FGF14: variants seen among roughly 807,000 people sequenced by gnomAD.
The protein encoded by FGF14 is fibroblast growth factor homologous factor 4.
FGF14 carries 5 observed loss-of-function variants against 25.5 expected under a neutral mutation model. The observed-to-expected ratio is 0.20, with a 90% CI of 0.10 to 0.41. The LOEUF is 0.41. Ranked by LOEUF, FGF14 falls within the 10% of genes least tolerant of loss-of-function variation. The pLI, the probability that FGF14 is intolerant of heterozygous loss-of-function variation, is 1.00. For synonymous variants in FGF14, 138 were observed against 118.3 expected, an observed-to-expected ratio of 1.17 and a Z score of -1.08; for missense variants, 222 against 320.1, an observed-to-expected ratio of 0.69 and a Z score of 2.34.
intron 3 of FGF14, among the ~76,000 whole-genome samples, chr13:101,827,721 C>A (rs2042457214): frequency 6.6e-6 from 1 of 151,454 alleles, no homozygotes; most frequent in African/African-American, 2.4e-5. Flanking sequence ...TCATGGAAAC[C>A]ACAATTATGA....
At chr13:102,305,603 T>C (rs992499227) in intron 1 of FGF14, among the ~76,000 whole-genome samples, 2 of 152,148 alleles carry the variant, frequency 1.3e-5, no homozygotes, top group African/African-American at 4.8e-5. Context: ...CTTATATAAA[T>C]ACAAGTTTGC....
chr13:101,952,953 G>C (rs1401889542), intron 1 of FGF14, among the ~76,000 whole-genome samples: 1 of 152,156 alleles, frequency 6.6e-6, no homozygotes, highest in Non-Finnish European at 1.5e-5. Context: ...AGAATTGCTC[G>C]AACCCGGGAG....
chr13:102,160,650 T>C (rs893061720), intron 1 of FGF14, among the ~76,000 whole-genome samples: 1 of 151,926 alleles, frequency 6.6e-6, no homozygotes, highest in Non-Finnish European at 1.5e-5. Flanking sequence ...AAAAACATGT[T>C]CCACAGAAAA....
At chr13:102,049,475 A>C (rs1285637449) in intron 1 of FGF14, among the ~76,000 whole-genome samples, 1 of 152,206 alleles carries the variant, frequency 6.6e-6, no homozygotes, top group Non-Finnish European at 1.5e-5. Context: ...AAAACAACAA[A>C]AAAATAGGAG....
intron 1 of FGF14, among the ~76,000 whole-genome samples, chr13:102,024,635 TTA>T (rs1158790235): frequency 6.6e-6 from 1 of 152,042 alleles, no homozygotes; most frequent in Admixed American, 6.6e-5. Context: ...TGTATCTATT[TTA>T]TCTTTTGTGA....
chr13:102,352,968 G>C (rs965983581), intron 1 of FGF14, among the ~76,000 whole-genome samples: 7 of 151,966 alleles, frequency 4.6e-5, no homozygotes, highest in South Asian at 4.1e-4. Flanking sequence ...CTGCTATCCT[G>C]AAAGAGTCTT....
Position 101,998,070 on chromosome 13 carries a change from G to A in FGF14, c.209-122774C>T, listed in dbSNP as rs1047099674. Among the ~76,000 whole-genome samples, 30 of 151,904 alleles carry A rather than the reference G, an allele frequency of 2.0e-4. 1 individual carries two copies. Among genetic ancestry groups the A allele is most frequent in the Non-Finnish European group, 3.8e-4 (26 of 67,986 alleles). On this transcript the variant is annotated intron_variant, in intron 1 of 4. Coordinates refer to the FGF14 transcript ENST00000376131. ...CTGAATATAATCTTTTACGATACTT[G>A]GAACTCTTTTGATTTGCTAATTGGG...
chr13:102,254,279 G>A (rs546844025), intron 1 of FGF14, among the ~76,000 whole-genome samples: 23 of 152,188 alleles, frequency 1.5e-4, no homozygotes, highest in Non-Finnish European at 2.6e-4. Flanking sequence ...CAGGTTGTCT[G>A]TGAGGGTTCG....
At chr13:102,012,702 A>C (rs1227916898) in intron 1 of FGF14, among the ~76,000 whole-genome samples, 1 of 152,180 alleles carries the variant, frequency 6.6e-6, no homozygotes, top group Non-Finnish European at 1.5e-5. Context: ...GAGTGTGACA[A>C]AATGAAGATG....
chr13:102,179,957 A>C (rs2048600598), intron 1 of FGF14, among the ~76,000 whole-genome samples: 1 of 152,136 alleles, frequency 6.6e-6, no homozygotes, highest in Non-Finnish European at 1.5e-5. Context: ...ACCTATAAAT[A>C]TGATTACTCC....
chr13:101,945,376 AAAT>A (rs2035737231), intron 1 of FGF14, among the ~76,000 whole-genome samples: 1 of 152,244 alleles, frequency 6.6e-6, no homozygotes, highest in Non-Finnish European at 1.5e-5. Flanking sequence ...TTTAAGAAAA[AAAT>A]AATTGAATAA....
At chr13:102,189,008 GAGAAAGAATGAAAGAAGA>G (rs202193661) in intron 1 of FGF14, among the ~76,000 whole-genome samples, 6,564 of 68,676 alleles carry the variant, frequency 0.096, 351 homozygotes, top group Middle Eastern at 0.11. Flanking sequence ...AAGAAAGAAA[GAGAAAGAATGAAAGAAGA>G]AAAGAAAGAA....
chr13:101,840,457 T>C (rs1331519471), intron 3 of FGF14, among the ~76,000 whole-genome samples: 2 of 151,670 alleles, frequency 1.3e-5, no homozygotes, highest in Non-Finnish European at 2.9e-5. Flanking sequence ...ATACAATAAC[T>C]CTTATTCACT....
Position 102,401,733 on chromosome 13 carries a change from T to G in FGF14, c.-55A>C, listed in dbSNP as rs1289035604. The G allele has an allele frequency of 2.7e-6, 4 of 1,456,482 alleles. No homozygotes were observed. In the African/African-American group the frequency reaches 4.2e-5, roughly 15 times the overall value. 90.2% of individuals were successfully genotyped at this position (1,456,482 alleles called of 1,614,324 possible). ...CCCAGTTTTTTCCCCTCACGTGGTA[T>G]ATTTCTTTGAGACTTCTCAGTGATT... On this transcript the variant is annotated 5_prime_UTR_variant, in exon 1 of 5. Coordinates refer to the FGF14 transcript ENST00000376131.
chr13:102,016,672 T>C (rs2040364198), intron 1 of FGF14, among the ~76,000 whole-genome samples: 1 of 152,180 alleles, frequency 6.6e-6, no homozygotes, highest in African/African-American at 2.4e-5. Flanking sequence ...GTATTTTTTG[T>C]AGATGGTTTC....
At chr13:101,842,592 GA>G (rs1295187957) in intron 3 of FGF14, among the ~76,000 whole-genome samples, 1 of 151,946 alleles carries the variant, frequency 6.6e-6, no homozygotes, top group Non-Finnish European at 1.5e-5. Flanking sequence ...ACTACTCTGA[GA>G]AAACAAAAGG....
intron 1 of FGF14, among the ~76,000 whole-genome samples, chr13:102,171,757 T>C (rs1357299928): frequency 2.6e-5 from 4 of 152,234 alleles, no homozygotes; most frequent in South Asian, 2.1e-4. Flanking sequence ...ACATTTTTAA[T>C]GCCAGTATTT....
chr13:101,753,197 T>C (rs2037404223), intron 3 of FGF14, among the ~76,000 whole-genome samples: 1 of 152,066 alleles, frequency 6.6e-6, no homozygotes, highest in African/African-American at 2.4e-5. Context: ...TTTAATGGTA[T>C]GACCCAATTA....
intron 1 of FGF14, among the ~76,000 whole-genome samples, chr13:101,984,287 G>T (rs982201983): frequency 6.6e-6 from 1 of 152,048 alleles, no homozygotes; most frequent in Non-Finnish European, 1.5e-5. Context: ...TGAAAAAAAT[G>T]CACATATAAT....
Sources: gnomAD v4.1 joint callset for allele counts (sites outside exome capture counted in the v4.1 genomes callset) on GRCh38, gnomAD v4.1.1 for gene constraint, MANE v1.5 for transcripts, NCBI Gene and HGNC (gene_info 2026-07-23, HGNC 2026-07-21) for gene names.